Variants in SLC24A2 observed in about 807,000 individuals in gnomAD.
The protein encoded by SLC24A2 is sodium/potassium/calcium exchanger 2.
A neutral mutation model predicts 62.0 loss-of-function variants in SLC24A2; 36 were observed. The observed-to-expected ratio is 0.58, with a 90% CI of 0.44 to 0.77. The LOEUF is 0.77. Ranked by LOEUF, SLC24A2 falls within the 30% of genes least tolerant of loss-of-function variation. The probability of loss-of-function intolerance (pLI) is 0.00; values close to 1 mark genes in which losing one functional copy is unlikely to be tolerated. For missense variants in SLC24A2, 846 were observed against 817.9 expected (o/e 1.03, Z -0.42); for synonymous variants, 358 against 294.0 (o/e 1.22, Z -2.23).
chr9:20,109,364 T>A, the SLC24A2 span, among the ~76,000 whole-genome samples: 1 of 152,210 alleles, frequency 6.6e-6, no homozygotes, highest in Non-Finnish European at 1.5e-5. Context: ...CTGGCTGGCA[T>A]CTAGGGACTT....
intron 2 of SLC24A2, among the ~76,000 whole-genome samples, chr9:19,736,826 T>C (rs975238846): frequency 6.6e-6 from 1 of 152,184 alleles, no homozygotes; most frequent in Admixed American, 6.6e-5. Context: ...TACTTCAGCC[T>C]GGGTGAAAGA....
intron 2 of SLC24A2, among the ~76,000 whole-genome samples, chr9:19,680,396 A>G (rs1317031643): frequency 2.0e-5 from 3 of 152,054 alleles, no homozygotes; most frequent in Non-Finnish European, 4.4e-5. Context: ...AGGCAAACCC[A>G]CTGCCCAAAG....
intron 2 of SLC24A2, among the ~76,000 whole-genome samples, chr9:19,640,257 T>A (rs907900624): frequency 6.6e-6 from 1 of 152,232 alleles, no homozygotes; most frequent in African/African-American, 2.4e-5. Context: ...TATTAAACCA[T>A]GTGCCTTGCT....
intron 2 of SLC24A2, among the ~76,000 whole-genome samples, chr9:19,696,417 C>G (rs960208917): frequency 2.6e-5 from 4 of 152,180 alleles, no homozygotes; most frequent in African/African-American, 9.7e-5. Context: ...GGGCCTAGTA[C>G]AGCCATTTGC....
chr9:19,874,418 T>C, the SLC24A2 span, among the ~76,000 whole-genome samples: 1 of 152,344 alleles, frequency 6.6e-6, no homozygotes, highest in South Asian at 2.1e-4. Context: ...TATAATTGAA[T>C]ACTTGCTAGA....
the SLC24A2 span, among the ~76,000 whole-genome samples, chr9:20,178,828 T>C: frequency 3.8e-4 from 58 of 152,264 alleles, no homozygotes; most frequent in African/African-American, 1.4e-3. Context: ...TTGATACATT[T>C]AGAGTTTTTA....
intron 2 of SLC24A2, among the ~76,000 whole-genome samples, chr9:19,754,691 TC>T (rs1822085690): frequency 6.6e-6 from 1 of 151,608 alleles, no homozygotes; most frequent in African/African-American, 2.4e-5. Context: ...GTAACTAGGA[TC>T]CTAAGCACTG....
chr9:20,260,849 C>CTTTTTTTTTTTTTT, the SLC24A2 span, among the ~76,000 whole-genome samples: 1 of 90,282 alleles, frequency 1.1e-5, no homozygotes, highest in African/African-American at 4.7e-5. Flanking sequence ...ATCATTCTTT[C>CTTTTTTTTTTTTTT]TTTTTTTTTT....
chr9:19,550,529 T>G (rs761882544), intron 7 of SLC24A2, among the ~76,000 whole-genome samples: 5 of 152,174 alleles, frequency 3.3e-5, no homozygotes, highest in South Asian at 2.1e-4. Flanking sequence ...ATCAACTGAT[T>G]ATTCAACTGG....
At chr9:20,051,657 C>CTTTTTTTTTTTT in the SLC24A2 span, among the ~76,000 whole-genome samples, 1,599 of 73,312 alleles carry the variant, frequency 0.022, 125 homozygotes, top group Middle Eastern at 0.031. Context: ...TTTTCTTTCT[C>CTTTTTTTTTTTT]TTTTTTTTTT....
intron 7 of SLC24A2, among the ~76,000 whole-genome samples, chr9:19,566,015 G>A (rs797003244): frequency 1.4e-3 from 207 of 152,124 alleles, no homozygotes; most frequent in African/African-American, 4.8e-3. Context: ...AAAAACCCTG[G>A]AAGAAAACCT....
intron 2 of SLC24A2, among the ~76,000 whole-genome samples, chr9:19,630,604 C>T (rs561843364): frequency 2.6e-5 from 4 of 152,138 alleles, no homozygotes; most frequent in South Asian, 2.1e-4. Flanking sequence ...TTTTAACTTC[C>T]GATCTCAGAA....
intron 8 of SLC24A2, among the ~76,000 whole-genome samples, chr9:19,531,033 G>A (rs1298763180): frequency 1.3e-5 from 2 of 152,034 alleles, no homozygotes; most frequent in Non-Finnish European, 2.9e-5. Context: ...ACCAGGCTCT[G>A]CTCTGAATGT....
At chr9:19,987,960 C>T in the SLC24A2 span, among the ~76,000 whole-genome samples, 21 of 152,212 alleles carry the variant, frequency 1.4e-4, no homozygotes, top group African/African-American at 5.1e-4. Context: ...TTAGAAATGT[C>T]AATTGCATTG....
chr9:20,037,589 T>C, the SLC24A2 span, among the ~76,000 whole-genome samples: 2 of 152,190 alleles, frequency 1.3e-5, no homozygotes, highest in South Asian at 2.1e-4. Flanking sequence ...GGTGGGGTCC[T>C]AGGGCAAGGG....
the SLC24A2 span, among the ~76,000 whole-genome samples, chr9:19,987,619 T>C: frequency 6.6e-6 from 1 of 152,220 alleles, no homozygotes. Context: ...TGAGGAAATG[T>C]ATCCATTTTC....
the SLC24A2 span, among the ~76,000 whole-genome samples, chr9:19,794,596 TA>T: frequency 4.3e-3 from 620 of 143,854 alleles, 3 homozygotes; most frequent in South Asian, 0.014. Context: ...GTTGGAAAGT[TA>T]AAAAAAAAAA....
At chr9:20,301,789 G>C in the SLC24A2 span, among the ~76,000 whole-genome samples, 1 of 152,024 alleles carries the variant, frequency 6.6e-6, no homozygotes, top group Non-Finnish European at 1.5e-5. Context: ...GTTCACTCTT[G>C]GTGTTGTACA....
chr9:19,572,408 G>A (rs764021199), intron 7 of SLC24A2, among the ~76,000 whole-genome samples: 2 of 152,124 alleles, frequency 1.3e-5, no homozygotes, highest in Non-Finnish European at 2.9e-5. Flanking sequence ...TTGCGGGGAG[G>A]AGCCTGGTGG....
Sources: gnomAD v4.1 joint callset for allele counts (sites outside exome capture counted in the v4.1 genomes callset) on GRCh38, gnomAD v4.1.1 for gene constraint, MANE v1.5 for transcripts, NCBI Gene and HGNC (gene_info 2026-07-23, HGNC 2026-07-21) for gene names.